GLT1D1: variants seen among roughly 807,000 people sequenced by gnomAD.
GLT1D1 encodes the protein glycosyltransferase 1 domain containing 1.
Under a neutral mutation model 28.7 loss-of-function variants are expected in GLT1D1, and 21 were observed. That is an observed-to-expected ratio of 0.73 (90% CI 0.52 to 1.05). The LOEUF is 1.05. Ranked by LOEUF, GLT1D1 falls within the 50% of genes least tolerant of loss-of-function variation. The pLI is 0.00. For missense variants in GLT1D1, 343 were observed against 330.6 expected, an observed-to-expected ratio of 1.04 and a Z score of -0.29; for synonymous variants, 147 against 124.8, an observed-to-expected ratio of 1.18 and a Z score of -1.19.
rs1368261666 is a variant in GLT1D1, at chr12:128,947,319, T to C, written c.420-19T>C. 2 of 1,613,614 alleles carry C rather than the reference T, an allele frequency of 1.2e-6. No individual in the cohort carries two copies. Among genetic ancestry groups the C allele is most frequent in the Non-Finnish European group, 8.5e-7 (1 of 1,179,874 alleles). Reference sequence around the variant, plus strand: ...GAGATTCTTGGAATCAGAGCCACTCTTCCTGCTTTGTGTTTCAGAGCCGCT... The same window carrying C: ...GAGATTCTTGGAATCAGAGCCACTCCTCCTGCTTTGTGTTTCAGAGCCGCT... On this transcript the variant is annotated intron_variant, in intron 5 of 7. Transcript: ENST00000281703.
At chr12:128,936,912 C>T (rs113649609) in intron 4 of GLT1D1, among the ~76,000 whole-genome samples, 28 of 152,188 alleles carry the variant, frequency 1.8e-4, no homozygotes, top group African/African-American at 6.5e-4. Flanking sequence ...CTTTGTTCCA[C>T]GTGGCTTCAC....
At chr12:128,909,457 T>C (rs559517155) in intron 4 of GLT1D1, among the ~76,000 whole-genome samples, 66 of 152,336 alleles carry the variant, frequency 4.3e-4, no homozygotes, top group Non-Finnish European at 7.9e-4. Context: ...CAACTTTATA[T>C]GTATGGGCCA....
At chr12:128,889,559 G>A (rs1054782920) in intron 3 of GLT1D1, among the ~76,000 whole-genome samples, 1 of 152,116 alleles carries the variant, frequency 6.6e-6, no homozygotes, top group African/African-American at 2.4e-5. Flanking sequence ...TGCCCCCAGG[G>A]TGGGGGAAGT....
At chr12:128,921,310 G>A (rs10847717) in intron 4 of GLT1D1, among the ~76,000 whole-genome samples, 21,238 of 151,836 alleles carry the variant, frequency 0.14, 1,908 homozygotes, top group Non-Finnish European at 0.21. Flanking sequence ...GAAGATGAGG[G>A]GAGAGGAAAG....
At chr12:128,964,993 T>C (rs1453789429) in intron 7 of GLT1D1, among the ~76,000 whole-genome samples, 2 of 152,126 alleles carry the variant, frequency 1.3e-5, no homozygotes, top group African/African-American at 2.4e-5. Context: ...GGAACTCAGA[T>C]GTAAGGAGCA....
chr12:128,973,184 T>TTG (rs1387182866), intron 7 of GLT1D1, among the ~76,000 whole-genome samples: 16 of 104,434 alleles, frequency 1.5e-4, no homozygotes, highest in African/African-American at 6.5e-4. Flanking sequence ...GCTTGGTTTT[T>TTG]TTTTTTTTTT....
At chr12:128,968,287 G>A (rs368702494) in intron 7 of GLT1D1, among the ~76,000 whole-genome samples, 4 of 151,686 alleles carry the variant, frequency 2.6e-5, no homozygotes, top group African/African-American at 4.8e-5. Flanking sequence ...GAGCCACTGC[G>A]CCCGGTCACT....
intron 2 of GLT1D1, among the ~76,000 whole-genome samples, chr12:128,883,867 T>A (rs1593080092): frequency 6.6e-6 from 1 of 152,120 alleles, no homozygotes; most frequent in Non-Finnish European, 1.5e-5. Flanking sequence ...AATCTTCTAG[T>A]CTATAAATAA....
intron 3 of GLT1D1, 117 bp from the exon 4 acceptor site, chr12:128,899,119 G>T: frequency 1.4e-6 from 1 of 736,256 alleles, no homozygotes. Flanking sequence ...AAGATTGATT[G>T]CATTTTAAAT....
intron 1 of GLT1D1, among the ~76,000 whole-genome samples, chr12:128,855,149 G>T (rs1458546751): frequency 6.7e-5 from 10 of 148,764 alleles, no homozygotes; most frequent in African/African-American, 2.5e-4. Flanking sequence ...CTGGGAGGCA[G>T]CTGTTGCAGT....
chr12:128,939,892 G>A (rs771222822), intron 4 of GLT1D1, among the ~76,000 whole-genome samples: 1 of 144,008 alleles, frequency 6.9e-6, no homozygotes, highest in Non-Finnish European at 1.5e-5. Context: ...TCCAACAATG[G>A]GGATTACAAT....
At chr12:128,878,817 G>A (rs2135803309) in intron 2 of GLT1D1, among the ~76,000 whole-genome samples, 1 of 152,182 alleles carries the variant, frequency 6.6e-6, no homozygotes, top group East Asian at 1.9e-4. Context: ...GTCTTGCCAT[G>A]TTGCCCAGGC....
At chr12:128,928,128 A>T (rs1873471256) in intron 4 of GLT1D1, among the ~76,000 whole-genome samples, 1 of 152,110 alleles carries the variant, frequency 6.6e-6, no homozygotes, top group Non-Finnish European at 1.5e-5. Context: ...GCATAAGGCA[A>T]ATATTATGTG....
At chr12:128,910,180 T>C (rs964887272) in intron 4 of GLT1D1, among the ~76,000 whole-genome samples, 3 of 151,904 alleles carry the variant, frequency 2.0e-5, no homozygotes, top group Admixed American at 6.6e-5. Context: ...TGCTCAGAGA[T>C]GTGGGAAGAT....
chr12:128,872,002 A>G (rs1399528293), intron 1 of GLT1D1, among the ~76,000 whole-genome samples: 1 of 151,982 alleles, frequency 6.6e-6, no homozygotes, highest in Non-Finnish European at 1.5e-5. Context: ...CCCAGGCTGG[A>G]GTGCAGTGGC....
chr12:128,944,876 C>A, intron 4 of GLT1D1: 1 of 368,878 alleles, frequency 2.7e-6, no homozygotes, highest in Non-Finnish European at 4.9e-6. Flanking sequence ...TATACATGTG[C>A]CATGGTGGTT....
rs574560036 is a variant in GLT1D1 at position 128,865,918 on chromosome 12, A to G, written c.69-9996A>G. Among the ~76,000 whole-genome samples, 79 of 152,298 alleles carry G rather than the reference A, an allele frequency of 5.2e-4. No homozygotes were observed. The South Asian group carries it at 0.016, about 31-fold the overall frequency. ...AGAACAACTATTGAATAGCATTTCC[A>G]TTGTATTAGGTATTATAAGTAATCT... On this transcript the variant is annotated intron_variant, in intron 1 of 7. Coordinates refer to ENST00000281703, the MANE Select transcript of GLT1D1 (RefSeq NM_144669.3).
Position 128,909,677 on chromosome 12 carries a change from A to G in GLT1D1, c.375+10390A>G, listed in dbSNP as rs150320650. Reference sequence around the variant, plus strand: ...TGAATCTCTGGCTTATGTTTAGTCAAAGAATGGGAAGTTCTTTGGTTGATG... The same window carrying G: ...TGAATCTCTGGCTTATGTTTAGTCAGAGAATGGGAAGTTCTTTGGTTGATG... On this transcript the variant is annotated intron_variant, in intron 4 of 7. Coordinates refer to ENST00000281703, the MANE Select transcript of GLT1D1 (RefSeq NM_144669.3). Among the ~76,000 whole-genome samples, 846 of 152,366 alleles carry G rather than the reference A, an allele frequency of 5.6e-3. 5 individuals carry two copies. Among genetic ancestry groups the G allele is most frequent in the African/African-American group, 0.019 (801 of 41,582 alleles).
intron 1 of GLT1D1, among the ~76,000 whole-genome samples, chr12:128,865,929 T>C (rs1956501981): frequency 6.6e-6 from 1 of 152,110 alleles, no homozygotes; most frequent in Admixed American, 6.6e-5. Flanking sequence ...TTGTATTAGG[T>C]ATTATAAGTA....
Sources: gnomAD v4.1 joint callset for allele counts (sites outside exome capture counted in the v4.1 genomes callset) on GRCh38, gnomAD v4.1.1 for gene constraint, MANE v1.5 for transcripts, NCBI Gene and HGNC (gene_info 2026-07-23, HGNC 2026-07-21) for gene names.